Variants in DDX60L observed in about 807,000 individuals in gnomAD.
DDX60L encodes the protein DExD/H-box 60 like.
In DDX60L, 191 loss-of-function variants were observed where a neutral mutation model predicts 211.6. The observed-to-expected ratio is 0.90, with a 90% CI of 0.80 to 1.02. The LOEUF (loss-of-function observed/expected upper bound fraction) is 1.02. Among genes scored for constraint, DDX60L ranks in the 50% least tolerant of loss-of-function variants. The pLI is 0.00. For missense variants in DDX60L, 2,007 were observed against 1,984.1 expected, an observed-to-expected ratio of 1.01 and a Z score of -0.22; for synonymous variants, 706 against 694.1, an observed-to-expected ratio of 1.02 and a Z score of -0.27.
rs1281868250 is a variant in DDX60L at position 168,400,915 on chromosome 4, C to T, written c.3402G>A (p.Glu1134=). 1 of 1,613,776 alleles carries T rather than the reference C, an allele frequency of 6.2e-7. No homozygotes were observed. Among genetic ancestry groups the T allele is most frequent in the East Asian group, 2.2e-5 (1 of 44,868 alleles). ...GSVCTFLEKT[E]TKSHPHTECH... ...ATTCAGTGTGGGGATGGCTTTTTGTCTCTGTCTTCTCCAGAAAAGTGCACA... is the reference window on the plus strand; with the variant it reads ...ATTCAGTGTGGGGATGGCTTTTTGTTTCTGTCTTCTCCAGAAAAGTGCACA... The change falls in exon 26 of 38, where the codon GAG becomes GAA. Residue 1134 remains glutamate, a synonymous_variant. Transcript: ENST00000682922.
chr4:168,437,556 C>T (rs747574734), intron 10 of DDX60L, among the ~76,000 whole-genome samples: 2 of 152,170 alleles, frequency 1.3e-5, no homozygotes, highest in African/African-American at 2.4e-5. Flanking sequence ...TTCTGAGCCA[C>T]GATGCAAAGG....
intron 1 of DDX60L, among the ~76,000 whole-genome samples, chr4:168,475,252 A>G (rs1759314839): frequency 6.6e-6 from 1 of 152,210 alleles, no homozygotes; most frequent in African/African-American, 2.4e-5. Flanking sequence ...TAAACTGCTT[A>G]AAAAGCACCT....
chr4:168,436,598 A>G (rs1366195803), intron 10 of DDX60L, among the ~76,000 whole-genome samples: 1 of 152,188 alleles, frequency 6.6e-6, no homozygotes, highest in Admixed American at 6.5e-5. Context: ...GAAGGCTGTA[A>G]TTACTCTGAA....
intron 8 of DDX60L, among the ~76,000 whole-genome samples, chr4:168,449,665 A>AAAAAAAAAAAAAAAAAT (rs1755474696): frequency 1.4e-4 from 4 of 28,498 alleles, no homozygotes; most frequent in Admixed American, 3.7e-4. Flanking sequence ...AAAAAAAAAA[A>AAAAAAAAAAAAAAAAAT]GAAAAAAGAA....
intron 36 of DDX60L, 72 bp from the exon 37 acceptor site, chr4:168,361,283 T>A (rs543214731): frequency 1.9e-5 from 19 of 1,005,828 alleles, no homozygotes; most frequent in Non-Finnish European, 2.8e-5. Flanking sequence ...CAAACTTTAA[T>A]AGTGGTCTGT....
intron 13 of DDX60L, among the ~76,000 whole-genome samples, chr4:168,428,514 T>C (rs1751828083): frequency 4.6e-5 from 7 of 152,150 alleles, no homozygotes; most frequent in Admixed American, 4.6e-4. Context: ...ATCTTTTCCT[T>C]GTGGGGCTTT....
chr4:168,442,046 G>A (rs62334159), intron 9 of DDX60L, among the ~76,000 whole-genome samples: 20,230 of 152,174 alleles, frequency 0.13, 1,883 homozygotes, highest in Non-Finnish European at 0.19. Context: ...CTCCCAGCGT[G>A]AGCAACGCAG....
chr4:168,441,694 T>A (rs1326160026), intron 9 of DDX60L, among the ~76,000 whole-genome samples: 1 of 152,080 alleles, frequency 6.6e-6, no homozygotes, highest in South Asian at 2.1e-4. Flanking sequence ...TCTTTAAATA[T>A]AATGCAGAGC....
intron 29 of DDX60L, chr4:168,390,251 AAGG>A (rs1697834177): frequency 2.8e-6 from 3 of 1,069,104 alleles, no homozygotes; most frequent in Non-Finnish European, 3.4e-6. Flanking sequence ...GAAGAGAAAA[AAGG>A]AGACCATAAT....
At chr4:168,439,235 T>C (rs1307693320) in intron 10 of DDX60L, among the ~76,000 whole-genome samples, 1 of 152,198 alleles carries the variant, frequency 6.6e-6, no homozygotes, top group Non-Finnish European at 1.5e-5. Flanking sequence ...CAATCAAACA[T>C]GAATCTGGAT....
chr4:168,472,480 T>A lies in DDX60L; in HGVS notation c.49A>T (p.Ile17Phe). 1.3e-6 allele frequency: 2 copies of A among 1,571,464 alleles called. No individual in the cohort carries two copies. Among genetic ancestry groups the A allele is most frequent in the Non-Finnish European group, 1.7e-6 (2 of 1,156,874 alleles). ...AVFFREMTQLILNEMPKAGYS... is the reference protein window; with the variant it reads ...AVFFREMTQLFLNEMPKAGYS... ...CCAGCTTTTGGCATTTCATTCAAAA[T>A]TAACTGTGTCATTTCCCTGAAAAAT... Residue 17 changes from isoleucine (I) to phenylalanine (F), a missense_variant, in exon 3 of 38, where the codon ATT becomes TTT. By Grantham distance (21) the Ile-to-Phe change is conservative. Coordinates refer to ENST00000682922, the MANE Select transcript of DDX60L (RefSeq NM_001012967.3).
At chr4:168,364,354 T>C (rs1373112533) in intron 36 of DDX60L, among the ~76,000 whole-genome samples, 1 of 152,202 alleles carries the variant, frequency 6.6e-6, no homozygotes, top group Non-Finnish European at 1.5e-5. Flanking sequence ...AACAAGAGGA[T>C]ATAGCATTGT....
At chr4:168,407,371 G>A (rs1418335965) in intron 22 of DDX60L, among the ~76,000 whole-genome samples, 2 of 152,170 alleles carry the variant, frequency 1.3e-5, no homozygotes, top group African/African-American at 2.4e-5. Context: ...TGTGTGCAAA[G>A]CACCATGTAG....
Position 168,384,661 on chromosome 4 carries a change from A to T in DDX60L, c.4067T>A (p.Leu1356His). Reference sequence around the variant, plus strand: ...ATCTCCCTTGGAAGCCAGCAGCATGAGTCGCAGGACCAGGGTTATGCTGAG... The same window carrying T: ...ATCTCCCTTGGAAGCCAGCAGCATGTGTCGCAGGACCAGGGTTATGCTGAG... Reference protein sequence around the residue: ...FPLSITLVLRLMLLASKGDDP... With the variant: ...FPLSITLVLRHMLLASKGDDP... Residue 1356 changes from leucine (L) to histidine (H), a missense_variant, in exon 30 of 38, where the codon CTC (leucine) becomes CAC (histidine). Transcript: ENST00000682922. The T allele has an allele frequency of 6.2e-7, 1 of 1,614,044 alleles. No individual in the cohort carries two copies. Among genetic ancestry groups the T allele is most frequent in the Non-Finnish European group, 8.5e-7 (1 of 1,179,970 alleles).
chr4:168,406,754 G>T (rs62334119), intron 22 of DDX60L, 48 bp from the exon 23 acceptor site: 168,926 of 1,288,016 alleles, frequency 0.13, 12,382 homozygotes, highest in Admixed American at 0.17. Context: ...AAATTACAAT[G>T]TTTATATTTC....
chr4:168,413,207 C>A lies in DDX60L; in HGVS notation c.2979+2201G>T, dbSNP rs532282750. Among the ~76,000 whole-genome samples the A allele has an allele frequency of 4.6e-5, 7 of 152,046 alleles. 1 individual carries two copies. In the East Asian group the frequency reaches 1.4e-3, roughly 30 times the overall value. On this transcript the variant is annotated intron_variant, in intron 22 of 37. Transcript: ENST00000682922. The stretch of plus-strand genomic sequence containing the variant: ...ATGAACTAAATAAGGTACCAGGAAC[C>A]AATTATGGAAAGACAAAGATATGTG...
chr4:168,477,383 C>T (rs1018522635), intron 1 of DDX60L, among the ~76,000 whole-genome samples: 21 of 151,826 alleles, frequency 1.4e-4, no homozygotes, highest in African/African-American at 5.1e-4. Context: ...CCACTGCACT[C>T]CAGCCTGGGC....
chr4:168,397,989 C>T (rs1746119538), intron 26 of DDX60L, among the ~76,000 whole-genome samples: 1 of 152,144 alleles, frequency 6.6e-6, no homozygotes, highest in East Asian at 1.9e-4. Flanking sequence ...CTGCAGCCAC[C>T]CAAGCCATGG....
intron 10 of DDX60L, among the ~76,000 whole-genome samples, chr4:168,434,476 C>T (rs542359172): frequency 1.4e-4 from 22 of 152,208 alleles, no homozygotes; most frequent in Non-Finnish European, 2.8e-4. Context: ...TCTGGAATAG[C>T]TCCATAGTTA....
Sources: gnomAD v4.1 joint callset for allele counts (sites outside exome capture counted in the v4.1 genomes callset) on GRCh38, gnomAD v4.1.1 for gene constraint, MANE v1.5 for transcripts, NCBI Gene and HGNC (gene_info 2026-07-23, HGNC 2026-07-21) for gene names.